The following IFT74 variants were observed in gnomAD, a reference collection of about 807,000 sequenced individuals.
IFT74 encodes the protein intraflagellar transport protein 74 homolog.
Under a neutral mutation model 96.7 loss-of-function variants are expected in IFT74, and 92 were observed. The observed-to-expected ratio is 0.95, with a 90% CI of 0.80 to 1.13. The LOEUF is 1.13. Among genes scored for constraint, IFT74 ranks in the 50% most tolerant of loss-of-function variants. The pLI is 0.00. For missense variants in IFT74, 811 were observed against 698.2 expected (o/e 1.16, Z -1.82); for synonymous variants, 223 against 213.2 (o/e 1.05, Z -0.40).
chr9:27,038,491 C>G (rs1819308587), intron 13 of IFT74, among the ~76,000 whole-genome samples: 1 of 152,130 alleles, frequency 6.6e-6, no homozygotes, highest in Admixed American at 6.5e-5. Context: ...CTTGGCCAGG[C>G]TGGTCTCAAA....
chr9:26,952,539 AGTGCTGGGATTACAGGCGTGAGCCACT>A (rs1256335757), upstream of IFT74, among the ~76,000 whole-genome samples: 1 of 152,144 alleles, frequency 6.6e-6, no homozygotes, highest in African/African-American at 2.4e-5. Flanking sequence ...GGCCTCCCAA[AGTGCTGGGATTACAGGCGTGAGCCACT>A]GTGCCTTGCC....
rs921485436 is a variant in IFT74, at chr9:27,060,528, TAGAA to T, written c.1624-60_1624-57del. 8 of 1,092,718 alleles carry T rather than the reference TAGAA, an allele frequency of 7.3e-6. No individual in the cohort carries two copies. In the Admixed American group the frequency reaches 8.2e-5, roughly 11 times the overall value. 67.7% of individuals were successfully genotyped at this position (1,092,718 alleles called of 1,614,324 possible). A position where few individuals can be genotyped will look rare whatever the true frequency, so the allele number is the denominator to read the frequency against. ...AGAGATTTTTTTTGTCTTATCCTCT[TAGAA>T]AGGCATTTAATTGTTTTAAATATGG... On this transcript the variant is annotated intron_variant, in intron 18 of 19. Coordinates refer to ENST00000380062, the MANE Select transcript of IFT74 (RefSeq NM_025103.4).
chr9:27,023,233 T>C (rs1291423661), intron 12 of IFT74, among the ~76,000 whole-genome samples: 3 of 152,300 alleles, frequency 2.0e-5, no homozygotes, highest in Admixed American at 2.0e-4. Context: ...CCTTGTCTTG[T>C]TCCAGTTCTT....
intron 8 of IFT74, chr9:26,999,639 GATA>G: frequency 2.5e-6 from 4 of 1,607,800 alleles, no homozygotes; most frequent in Admixed American, 1.7e-5. Context: ...GATTTTGTCT[GATA>G]ATAATATCAT....
intron 8 of IFT74, among the ~76,000 whole-genome samples, chr9:27,003,176 A>G (rs1001937380): frequency 2.6e-5 from 4 of 151,692 alleles, no homozygotes; most frequent in African/African-American, 9.7e-5. Context: ...GTCAGTTTTT[A>G]CAGATTTTTT....
At chr9:27,059,195 T>G (rs1178854265) in intron 18 of IFT74, among the ~76,000 whole-genome samples, 1 of 152,228 alleles carries the variant, frequency 6.6e-6, no homozygotes, top group Non-Finnish European at 1.5e-5. Flanking sequence ...TCCTTCTCTG[T>G]GTTATTTGTC....
chr9:26,985,107 G>T (rs907963402), intron 6 of IFT74, among the ~76,000 whole-genome samples: 2 of 152,160 alleles, frequency 1.3e-5, no homozygotes, highest in East Asian at 3.8e-4. Context: ...CCTATACCAT[G>T]AAATACTATG....
At chr9:27,055,056 T>C (rs1820100717) in intron 16 of IFT74, among the ~76,000 whole-genome samples, 1 of 152,224 alleles carries the variant, frequency 6.6e-6, no homozygotes, top group Non-Finnish European at 1.5e-5. Flanking sequence ...AGATTATGTA[T>C]TGGCTAATTG....
At chr9:27,006,202 T>G (rs1828767794) in intron 8 of IFT74, among the ~76,000 whole-genome samples, 1 of 152,200 alleles carries the variant, frequency 6.6e-6, no homozygotes, top group South Asian at 2.1e-4. Context: ...ACAATTTTAC[T>G]TACTGATTTA....
rs765124462 is a variant in IFT74, at chr9:27,011,947, GA to G, written c.774del (p.Glu259ArgfsTer7). On this transcript the variant is annotated frameshift_variant, in exon 10 of 20. Coordinates refer to ENST00000380062, the MANE Select transcript of IFT74 (RefSeq NM_025103.4). LOFTEE classifies it high-confidence loss of function. ...AACAACAATTGGATTCACAGAACAT[GA>G]AAAAAGAGAGCCTGGAAGCAGTAAG... ...LQQQLDSQNM[K>X]KESLEAEIAH... 2.5e-6 allele frequency: 4 copies of G among 1,582,514 alleles called. No individual in the cohort carries two copies. The highest frequency in any genetic ancestry group is 1.4e-5 in the African/African-American group (1 of 73,092).
rs1820135705 is a variant in IFT74 at position 27,055,790 on chromosome 9, C to G, written c.1497+18C>G. On this transcript the variant is annotated intron_variant, in intron 17 of 19. Transcript: ENST00000380062. ...AGATAAAGGTAAATGTTAACCAAGT[C>G]TTACAGAATTACAATTCAGATTGTT... The G allele has an allele frequency of 1.4e-6, 2 of 1,447,756 alleles. No individual in the cohort carries two copies. The highest frequency in any genetic ancestry group is 2.6e-5 in the Admixed American group (1 of 37,768). 89.7% of individuals were successfully genotyped at this position (1,447,756 alleles called of 1,614,324 possible).
At chr9:26,995,673 T>C in intron 8 of IFT74, 1 of 1,613,946 alleles carries the variant, frequency 6.2e-7, no homozygotes, top group Non-Finnish European at 8.5e-7. Flanking sequence ...GGATTTCCAG[T>C]AAAACCATCT....
chr9:27,030,527 G>A (rs1830071560), intron 13 of IFT74, among the ~76,000 whole-genome samples: 1 of 123,770 alleles, frequency 8.1e-6, no homozygotes. Context: ...CAGCCTGGGT[G>A]ACAGAGCAAG....
chr9:27,056,384 G>T lies in IFT74; in HGVS notation c.1548G>T (p.Lys516Asn), dbSNP rs931791230. The change falls in exon 18 of 20, where the codon AAG becomes AAT. Residue 516 changes from lysine to asparagine, a missense_variant. Physicochemically the swap from Lys to Asn is moderately conservative, Grantham distance 94. Coordinates refer to ENST00000380062, the MANE Select transcript of IFT74 (RefSeq NM_025103.4). ...MILSTHRNAFKKIMEKQNIEY... is the reference protein window; with the variant it reads ...MILSTHRNAFNKIMEKQNIEY... ...TATCAACCCACAGAAATGCCTTTAA[G>T]AAAATAATGGAGAAGCAAAACATAG... is the stretch of plus-strand genomic sequence containing the variant. 6.3e-7 allele frequency: 1 copy of T among 1,597,336 alleles called. No individual in the cohort carries two copies. Among genetic ancestry groups the T allele is most frequent in the African/African-American group, 1.3e-5 (1 of 74,348 alleles).
intron 4 of IFT74, chr9:26,982,187 A>G (rs2131534623): frequency 4.1e-6 from 1 of 244,738 alleles, no homozygotes; most frequent in Non-Finnish European, 8.2e-6. Context: ...TTTATGTTAT[A>G]TTAATCAGTA....
At chr9:27,036,427 AC>A (rs1174768934) in intron 13 of IFT74, 14 of 1,612,300 alleles carry the variant, frequency 8.7e-6, no homozygotes, top group Non-Finnish European at 1.2e-5. Flanking sequence ...AATTCTTTGT[AC>A]CCACGGGTTC....
intron 4 of IFT74, among the ~76,000 whole-genome samples, chr9:26,982,667 C>T (rs937409271): frequency 3.3e-5 from 5 of 152,018 alleles, no homozygotes; most frequent in African/African-American, 1.2e-4. Context: ...GTTGGTCAGG[C>T]TGGTCTCGAA....
At chr9:26,962,197 T>A (rs1277102685) in intron 2 of IFT74, 110 bp downstream of exon 2, 2 of 948,126 alleles carry the variant, frequency 2.1e-6, no homozygotes, top group African/African-American at 3.3e-5. Context: ...CACCCCAGTT[T>A]TTGAGTTTTT....
chr9:27,056,010 C>G (rs1414611115), intron 17 of IFT74, among the ~76,000 whole-genome samples: 3 of 152,050 alleles, frequency 2.0e-5, no homozygotes, highest in Non-Finnish European at 4.4e-5. Flanking sequence ...AGCATTTCAG[C>G]AGATGTGAGC....
Sources: allele counts gnomAD v4.1 joint callset (sites outside exome capture counted in the v4.1 genomes callset), GRCh38; gene constraint gnomAD v4.1.1; transcripts MANE v1.5; gene names NCBI Gene and HGNC (gene_info 2026-07-23, HGNC 2026-07-21).